Variants in COL11A1 observed in about 807,000 individuals in gnomAD.
COL11A1 encodes collagen type XI alpha 1 chain.
Under a neutral mutation model 265.2 loss-of-function variants are expected in COL11A1, and 74 were observed. The ratio of observed to expected loss-of-function variants is 0.28; its 90% CI spans 0.23 to 0.34. The LOEUF (loss-of-function observed/expected upper bound fraction) is 0.34, where lower values mean the gene tolerates loss of function less well. COL11A1 is among the 10% of genes least tolerant of loss of function. The probability of loss-of-function intolerance (pLI) is 1.00; values close to 1 mark genes in which losing one functional copy is unlikely to be tolerated. For synonymous variants in COL11A1, 816 were observed against 727.6 expected (o/e 1.12, Z -1.96); for missense variants, 2,165 against 2,263.6 (o/e 0.96, Z 0.88).
chr1:103,004,091 AT>A (rs1665379586), intron 20 of COL11A1, among the ~76,000 whole-genome samples: 1 of 151,916 alleles, frequency 6.6e-6, no homozygotes, highest in Non-Finnish European at 1.5e-5. Flanking sequence ...GTGACATATT[AT>A]TTTTTTTCTT....
intron 9 of COL11A1, among the ~76,000 whole-genome samples, chr1:103,019,747 C>T (rs1210616452): frequency 8.6e-6 from 1 of 115,796 alleles, no homozygotes; most frequent in Non-Finnish European, 1.7e-5. Flanking sequence ...CCTCCCCCCA[C>T]CCCACAACAG....
chr1:102,910,767 C>A (rs1283674342), intron 54 of COL11A1, among the ~76,000 whole-genome samples: 1 of 151,936 alleles, frequency 6.6e-6, no homozygotes, highest in Non-Finnish European at 1.5e-5. Flanking sequence ...ACACAATTTG[C>A]CCAACGTAAT....
chr1:103,002,781 C>A lies in COL11A1; in HGVS notation c.2009G>T (p.Gly670Val). 6.2e-7 allele frequency: 1 copy of A among 1,613,072 alleles called. No individual in the cohort carries two copies. Among genetic ancestry groups the A allele is most frequent in the South Asian group, 1.1e-5 (1 of 91,054 alleles). ...TTTTGGTCCTGGGGGGCCATCTACA[C>A]CTGCCATACCCTGCAATGAAGAAAA... ...PGAPGQPGMA[G>V]VDGPPGPKGN... Residue 670 changes from glycine (G) to valine (V), a missense_variant, in exon 22 of 67, where the codon GGT (glycine) becomes GTT (valine). Transcript: ENST00000370096.
rs759287748 is a variant in COL11A1 at position 102,887,004 on chromosome 1, G to T, written c.4661C>A (p.Thr1554Lys). The T allele has an allele frequency of 1.9e-6, 3 of 1,613,678 alleles. No homozygotes were observed. In the East Asian group the frequency reaches 6.7e-5, roughly 36 times the overall value. The part of the protein sequence containing the change: ...QPLPILSSKK[T>K]RRHTEGMQAD... ...TTGCATGCCTTCAGTATGTCTTCTC[G>T]TTTTTTTGGAGGACAAGATTGGTAA... The change falls in exon 63 of 67, where the codon ACG becomes AAG. Residue 1554 changes from threonine to lysine, a missense_variant. By Grantham distance (78) the Thr-to-Lys change is moderately conservative (BLOSUM62 -1). Coordinates refer to ENST00000370096, the MANE Select transcript of COL11A1 (RefSeq NM_001854.4).
chr1:102,975,468 A>G (rs189602384), intron 35 of COL11A1, among the ~76,000 whole-genome samples: 91 of 152,218 alleles, frequency 6.0e-4, no homozygotes, highest in Non-Finnish European at 1.2e-3. Context: ...TTTCTTTTGT[A>G]GATAAGGTAA....
chr1:102,974,985 C>T (rs1308002663), intron 35 of COL11A1, 102 bp from the exon 36 acceptor site: 1 of 836,038 alleles, frequency 1.2e-6, no homozygotes, highest in Non-Finnish European at 2.0e-6. Context: ...ATGTATCATA[C>T]AGCTTCTTCA....
chr1:102,908,579 T>C (rs1388642527), intron 54 of COL11A1, among the ~76,000 whole-genome samples: 1 of 152,148 alleles, frequency 6.6e-6, no homozygotes, highest in Non-Finnish European at 1.5e-5. Context: ...ATTTAATCTT[T>C]TTCCATATAG....
intron 9 of COL11A1, among the ~76,000 whole-genome samples, chr1:103,021,092 A>G (rs1460026651): frequency 6.7e-6 from 1 of 150,294 alleles, no homozygotes; most frequent in East Asian, 2.0e-4. Context: ...GTTCTAATAC[A>G]TTAGTTTTTC....
At chr1:103,026,132 T>C in intron 6 of COL11A1, 84 bp downstream of exon 6, 2 of 1,214,134 alleles carry the variant, frequency 1.6e-6, no homozygotes, top group Non-Finnish European at 2.5e-6. Context: ...AGGTTTATGG[T>C]AAGTTTGAGG....
At chr1:102,888,835 A>G (rs1482086449) in intron 60 of COL11A1, 31 bp downstream of exon 60, 1 of 1,611,824 alleles carries the variant, frequency 6.2e-7, no homozygotes, top group African/African-American at 1.3e-5. Context: ...ACTTAACCCT[A>G]CCTTATAAGG....
intron 1 of COL11A1, among the ~76,000 whole-genome samples, chr1:103,095,272 A>G (rs1448767956): frequency 2.0e-5 from 3 of 152,056 alleles, no homozygotes; most frequent in Admixed American, 1.3e-4. Flanking sequence ...AAAATTATCT[A>G]ATTTTACATT....
At chr1:103,037,339 T>G (rs1668459528) in intron 4 of COL11A1, among the ~76,000 whole-genome samples, 1 of 151,760 alleles carries the variant, frequency 6.6e-6, no homozygotes, top group Admixed American at 6.6e-5. Context: ...GTCTAATGTC[T>G]TAAGGTCACA....
At position 102,946,864 on chromosome 1, in the gene COL11A1, T is replaced by C; in HGVS notation, c.3261A>G (p.Gly1087=). The stretch of plus-strand genomic sequence containing the variant: ...CATTACTTACAGGAGCACCTTTCTC[T>C]CCAGCTGGACCAGGAGGACCCTGAG... ...PGPQGPPGPA[G]EKGAPGEKGP... Residue 1087 remains glycine (G), a synonymous_variant, in exon 42 of 67, where the codon GGA becomes GGG. Coordinates refer to ENST00000370096, the MANE Select transcript of COL11A1 (RefSeq NM_001854.4). 1 of 1,613,460 alleles carries C rather than the reference T, an allele frequency of 6.2e-7. No individual in the cohort carries two copies. Among genetic ancestry groups the C allele is most frequent in the Non-Finnish European group, 8.5e-7 (1 of 1,179,768 alleles).
At chr1:102,918,425 G>A (rs907978742) in intron 49 of COL11A1, among the ~76,000 whole-genome samples, 1 of 151,814 alleles carries the variant, frequency 6.6e-6, no homozygotes. Flanking sequence ...AATGCAATGT[G>A]ACTAAAAGAT....
intron 42 of COL11A1, among the ~76,000 whole-genome samples, chr1:102,946,577 T>C (rs1230497623): frequency 6.6e-6 from 1 of 152,078 alleles, no homozygotes; most frequent in Non-Finnish European, 1.5e-5. Context: ...ACAACTTTTT[T>C]TTTTTAAAAA....
intron 15 of COL11A1, among the ~76,000 whole-genome samples, chr1:103,007,312 T>G (rs943768230): frequency 1.4e-4 from 21 of 152,152 alleles, no homozygotes; most frequent in Non-Finnish European, 2.4e-4. Context: ...CCATAATGTG[T>G]CAATATATAC....
chr1:103,105,440 C>T (rs1410016670), intron 1 of COL11A1, among the ~76,000 whole-genome samples: 1 of 151,914 alleles, frequency 6.6e-6, no homozygotes, highest in Non-Finnish European at 1.5e-5. Context: ...AATAATATGA[C>T]TAGGTATGAA....
chr1:102,898,752 G>A lies in COL11A1; in HGVS notation c.4162C>T (p.Pro1388Ser). 6.2e-7 allele frequency: 1 copy of A among 1,613,222 alleles called. No individual in the cohort carries two copies. ...GAKGEAGAEG[P>S]PGKTGPVGPQ... ...CCGACTGGGCCGGTTTTTCCAGGAG[G>A]ACCTTCTGCACCTGCTTCCCCCTGT... The change falls in exon 56 of 67, where the codon CCT becomes TCT. Residue 1388 changes from proline (P) to serine (S), a missense_variant. Physicochemically the swap from Pro to Ser is moderately conservative, Grantham distance 74 (BLOSUM62 -1). Coordinates refer to ENST00000370096, the MANE Select transcript of COL11A1 (RefSeq NM_001854.4).
intron 57 of COL11A1, among the ~76,000 whole-genome samples, chr1:102,892,375 T>C (rs1651882474): frequency 6.6e-6 from 1 of 152,098 alleles, no homozygotes; most frequent in Non-Finnish European, 1.5e-5. Flanking sequence ...AACAGCACAT[T>C]ATATCCTGGT....
Sources: gnomAD v4.1 joint callset for allele counts (sites outside exome capture counted in the v4.1 genomes callset) on GRCh38, gnomAD v4.1.1 for gene constraint, MANE v1.5 for transcripts, NCBI Gene and HGNC (gene_info 2026-07-23, HGNC 2026-07-21) for gene names.